PAPOLG: variants seen among roughly 807,000 people sequenced by gnomAD.
PAPOLG encodes the protein PAP-gamma.
A neutral mutation model predicts 99.0 loss-of-function variants in PAPOLG; 40 were observed. The ratio of observed to expected loss-of-function variants is 0.40; its 90% CI spans 0.31 to 0.53. The LOEUF (loss-of-function observed/expected upper bound fraction) is 0.53. Among genes scored for constraint, PAPOLG ranks in the 20% least tolerant of loss-of-function variants. The pLI is 0.41. For missense variants in PAPOLG, 675 were observed against 884.1 expected (o/e 0.76, Z 3.00); for synonymous variants, 310 against 299.3 (o/e 1.04, Z -0.37).
chr2:60,783,362 G>T (rs1671254735), intron 13 of PAPOLG, among the ~76,000 whole-genome samples, 153 bp downstream of exon 13: 1 of 95,580 alleles, frequency 1.0e-5, no homozygotes, highest in Non-Finnish European at 1.9e-5. Context: ...AGTCTCTGTT[G>T]TCTAGGCTGG....
intron 7 of PAPOLG, among the ~76,000 whole-genome samples, chr2:60,772,419 C>T (rs984821698): frequency 1.4e-5 from 2 of 146,146 alleles, no homozygotes; most frequent in African/African-American, 2.5e-5. Context: ...TGCACTCTAG[C>T]TTAGGTGACA....
At position 60,799,648 on chromosome 2, in the gene PAPOLG, G is replaced by C. The variant is rs541617128; in HGVS notation, c.*2488G>C. On this transcript the variant is annotated 3_prime_UTR_variant, in exon 22 of 22. Coordinates refer to ENST00000238714, the MANE Select transcript of PAPOLG (RefSeq NM_022894.4). ...GTTTTGTTTTGTTTTGTTTGAGACA[G>C]AGTTTTGCTCTTGTTGCCCAGGCTG... is the stretch of plus-strand genomic sequence containing the variant. 11 of 151,470 alleles carry C rather than the reference G, an allele frequency of 7.3e-5. No individual in the cohort carries two copies. The highest frequency in any genetic ancestry group is 6.6e-4 in the Admixed American group (10 of 15,136). 9.4% of individuals were successfully genotyped at this position (151,470 alleles called of 1,614,324 possible).
intron 15 of PAPOLG, among the ~76,000 whole-genome samples, chr2:60,790,343 T>C (rs1424551482): frequency 6.6e-6 from 1 of 152,184 alleles, no homozygotes; most frequent in Non-Finnish European, 1.5e-5. Flanking sequence ...ATTAAGAAAC[T>C]TGAGGCCCCA....
chr2:60,787,369 A>T (rs1415838438), intron 14 of PAPOLG, 142 bp from the exon 15 acceptor site: 2 of 1,100,060 alleles, frequency 1.8e-6, no homozygotes, highest in Admixed American at 5.7e-5. Flanking sequence ...TCTGGATGTC[A>T]CTTTTAAGAA....
chr2:60,796,751 CTG>C, intron 21 of PAPOLG, among the ~76,000 whole-genome samples: 1 of 151,704 alleles, frequency 6.6e-6, no homozygotes, highest in Non-Finnish European at 1.5e-5. Flanking sequence ...ACCTTAAGGA[CTG>C]TGTTCTTTAT....
intron 18 of PAPOLG, 92 bp from the exon 19 acceptor site, chr2:60,793,879 G>A: frequency 6.9e-7 from 1 of 1,448,142 alleles, no homozygotes; most frequent in Non-Finnish European, 9.4e-7. Flanking sequence ...CCACTGCACT[G>A]CAGCCTGGGT....
intron 17 of PAPOLG, 121 bp from the exon 18 acceptor site, chr2:60,793,506 G>T: frequency 1.7e-6 from 2 of 1,164,394 alleles, no homozygotes; most frequent in Non-Finnish European, 2.4e-6. Context: ...TGAGGCTGCA[G>T]TGAGCTGTGA....
At position 60,800,661 on chromosome 2, in the gene PAPOLG, A is replaced by G. The variant is rs1671818921; in HGVS notation, c.*3501A>G. 1 of 152,362 alleles carries G rather than the reference A, an allele frequency of 6.6e-6. No individual in the cohort carries two copies. Among genetic ancestry groups the G allele is most frequent in the Non-Finnish European group, 1.5e-5 (1 of 68,034 alleles). The allele number at this position is 152,362 out of a possible 1,614,324, so 9.4% of individuals were successfully genotyped here. A position where few individuals can be genotyped will look rare whatever the true frequency, so the allele number is the denominator to read the frequency against. On this transcript the variant is annotated 3_prime_UTR_variant, in exon 22 of 22. Coordinates refer to ENST00000238714, the MANE Select transcript of PAPOLG (RefSeq NM_022894.4). ...TATGTTCCACACCTTTGAAATAGGA[A>G]TTCCTAACTTGAGAATCATGAACCC...
chr2:60,773,851 GT>G (rs2103784327), intron 7 of PAPOLG, among the ~76,000 whole-genome samples: 1 of 152,260 alleles, frequency 6.6e-6, no homozygotes, highest in African/African-American at 2.4e-5. Context: ...TTTGTCATTT[GT>G]TTTAGTTGAA....
intron 17 of PAPOLG, 156 bp from the exon 18 acceptor site, chr2:60,793,471 G>A (rs770783555): frequency 8.2e-5 from 25 of 303,756 alleles, no homozygotes; most frequent in Non-Finnish European, 1.2e-4. Flanking sequence ...GGCTGAGGTG[G>A]CAAAGTTACT....
At chr2:60,771,961 A>T (rs1454046199) in intron 7 of PAPOLG, among the ~76,000 whole-genome samples, 1 of 152,168 alleles carries the variant, frequency 6.6e-6, no homozygotes, top group East Asian at 1.9e-4. Context: ...TGAGAAATTT[A>T]AAAAGTACTT....
chr2:60,782,144 T>G, intron 11 of PAPOLG, 139 bp downstream of exon 11: 1 of 950,296 alleles, frequency 1.1e-6, no homozygotes, highest in East Asian at 2.6e-5. Flanking sequence ...GGTTATTTTG[T>G]TTTTTAGTAA....
intron 17 of PAPOLG, among the ~76,000 whole-genome samples, chr2:60,793,205 T>TAAAAAAA (rs779034834): frequency 2.2e-5 from 1 of 45,528 alleles, no homozygotes; most frequent in Non-Finnish European, 4.1e-5. Context: ...ATACCATGTC[T>TAAAAAAA]AAAAAAAAAA....
chr2:60,795,191 G>A (rs532445235), intron 21 of PAPOLG, 171 bp downstream of exon 21: 1 of 661,192 alleles, frequency 1.5e-6, no homozygotes, highest in Non-Finnish European at 2.7e-6. Context: ...ATATAGTTCT[G>A]AATGTATGTA....
intron 3 of PAPOLG, among the ~76,000 whole-genome samples, chr2:60,763,956 C>T (rs1234527759): frequency 6.6e-6 from 1 of 152,062 alleles, no homozygotes; most frequent in Non-Finnish European, 1.5e-5. Context: ...GTGCACGCCA[C>T]CATGCCCAGC....
chr2:60,783,342 T>TTA (rs1229442440), intron 13 of PAPOLG, 133 bp downstream of exon 13: 1 of 482,260 alleles, frequency 2.1e-6, no homozygotes, highest in African/African-American at 2.1e-5. Context: ...TTTTTTTTTT[T>TTA]TTGAGACAAA....
At position 60,800,177 on chromosome 2, in the gene PAPOLG, A is replaced by T. The variant is rs927868056; in HGVS notation, c.*3017A>T. On this transcript the variant is annotated 3_prime_UTR_variant, in exon 22 of 22. Transcript: ENST00000238714. ...GTAAAACTGGGACAGGAGAATTATTATTTTTTTATTTTTTATTTTTTTATG... is the reference window on the plus strand; with the variant it reads ...GTAAAACTGGGACAGGAGAATTATTTTTTTTTTATTTTTTATTTTTTTATG... The T allele has an allele frequency of 1.3e-5, 2 of 151,920 alleles. No homozygotes were observed. Among genetic ancestry groups the T allele is most frequent in the African/African-American group, 2.4e-5 (1 of 41,364 alleles). 9.4% of individuals were successfully genotyped at this position (151,920 alleles called of 1,614,324 possible). A position where few individuals can be genotyped will look rare whatever the true frequency, so the allele number is the denominator to read the frequency against.
At chr2:60,781,150 G>A (rs1413883731) in intron 10 of PAPOLG, among the ~76,000 whole-genome samples, 4 of 152,166 alleles carry the variant, frequency 2.6e-5, no homozygotes, top group African/African-American at 9.7e-5. Flanking sequence ...GCGGTCAGGA[G>A]TTCAAGACCA....
At chr2:60,760,564 A>G (rs1301410190) in intron 2 of PAPOLG, among the ~76,000 whole-genome samples, 1 of 152,226 alleles carries the variant, frequency 6.6e-6, no homozygotes, top group East Asian at 1.9e-4. Flanking sequence ...GGAAAGCCTC[A>G]TTGAGAAAGT....
Sources: allele counts gnomAD v4.1 joint callset (sites outside exome capture counted in the v4.1 genomes callset), GRCh38; gene constraint gnomAD v4.1.1; transcripts MANE v1.5; gene names NCBI Gene and HGNC (gene_info 2026-07-23, HGNC 2026-07-21).